FNDC3B: variants seen among roughly 807,000 people sequenced by gnomAD.
The protein encoded by FNDC3B is fibronectin type III domain-containing protein 3B.
FNDC3B carries 12 observed loss-of-function variants against 151.5 expected under a neutral mutation model. The observed-to-expected ratio is 0.08, with a 90% CI of 0.05 to 0.13. The LOEUF (loss-of-function observed/expected upper bound fraction) is 0.13, where lower values mean the gene tolerates loss of function less well. Among genes scored for constraint, FNDC3B ranks in the 10% least tolerant of loss-of-function variants. The pLI is 1.00. For synonymous variants in FNDC3B, 528 were observed against 549.0 expected (o/e 0.96, Z 0.54); for missense variants, 1,214 against 1,505.3 (o/e 0.81, Z 3.20).
chr3:172,399,094 C>T lies in FNDC3B; in HGVS notation c.*1619C>T, dbSNP rs1033455151. The T allele has an allele frequency of 1.3e-5, 2 of 152,614 alleles. No individual in the cohort carries two copies. Among genetic ancestry groups the T allele is most frequent in the African/African-American group, 2.4e-5 (1 of 41,452 alleles). The allele number at this position is 152,614 out of a possible 1,614,324, so 9.5% of individuals were successfully genotyped here. On this transcript the variant is annotated 3_prime_UTR_variant, in exon 26 of 26. Transcript: ENST00000415807. Reference sequence around the variant, plus strand: ...TCTAAGATGCAGTATCCTGTACTAGCTTATAATATTCCCATACCAAAGTCA... The same window carrying T: ...TCTAAGATGCAGTATCCTGTACTAGTTTATAATATTCCCATACCAAAGTCA...
At chr3:172,355,159 G>A (rs1359030667) in intron 22 of FNDC3B, among the ~76,000 whole-genome samples, 1 of 152,058 alleles carries the variant, frequency 6.6e-6, no homozygotes, top group Non-Finnish European at 1.5e-5. Flanking sequence ...TAATTTGAAG[G>A]AAAACAGTAT....
At chr3:172,343,156 A>G (rs1479398714) in intron 18 of FNDC3B, 40 bp downstream of exon 18, 5 of 1,025,260 alleles carry the variant, frequency 4.9e-6, no homozygotes, top group Non-Finnish European at 7.7e-6. Context: ...GACAATTTGG[A>G]CAATTGGAGA....
intron 4 of FNDC3B, among the ~76,000 whole-genome samples, chr3:172,245,949 A>G (rs1472285142): frequency 6.6e-6 from 1 of 152,236 alleles, no homozygotes; most frequent in Admixed American, 6.5e-5. Flanking sequence ...CATAAGGATT[A>G]ATGGCCGTTC....
intron 3 of FNDC3B, among the ~76,000 whole-genome samples, chr3:172,182,755 T>C (rs780010784): frequency 1.3e-5 from 2 of 152,196 alleles, no homozygotes; most frequent in Admixed American, 6.5e-5. Flanking sequence ...ATGAGTAAAT[T>C]TTCAGCTCTC....
intron 2 of FNDC3B, among the ~76,000 whole-genome samples, chr3:172,117,405 T>C (rs774383852): frequency 6.6e-6 from 1 of 152,246 alleles, no homozygotes; most frequent in African/African-American, 2.4e-5. Context: ...GTGTTTGTTA[T>C]GGACTTCTGC....
chr3:172,310,360 G>A (rs1015699140), intron 10 of FNDC3B, among the ~76,000 whole-genome samples: 5 of 152,068 alleles, frequency 3.3e-5, no homozygotes, highest in East Asian at 1.9e-4. Flanking sequence ...CCTTAATGTC[G>A]CTGATGGCTT....
At chr3:172,115,411 C>T (rs1468782565) in intron 2 of FNDC3B, among the ~76,000 whole-genome samples, 6 of 152,128 alleles carry the variant, frequency 3.9e-5, no homozygotes, top group African/African-American at 1.4e-4. Flanking sequence ...AAGACAGGAT[C>T]CCAGAGTGTG....
chr3:172,337,486 G>C (rs1576924575), intron 16 of FNDC3B, 85 bp downstream of exon 16: 3 of 856,712 alleles, frequency 3.5e-6, no homozygotes, highest in Non-Finnish European at 5.9e-6. Context: ...GTAATAGTGA[G>C]TAATCATTAA....
At chr3:172,275,755 G>A (rs1729402981) in intron 6 of FNDC3B, among the ~76,000 whole-genome samples, 1 of 151,994 alleles carries the variant, frequency 6.6e-6, no homozygotes, top group South Asian at 2.1e-4. Flanking sequence ...TCAGTTCAGT[G>A]CATTTAGAAG....
At chr3:172,155,376 C>G (rs935096111) in intron 3 of FNDC3B, among the ~76,000 whole-genome samples, 1 of 152,148 alleles carries the variant, frequency 6.6e-6, no homozygotes, top group Non-Finnish European at 1.5e-5. Context: ...CCCTTAGTTC[C>G]TGGTGTGTCA....
chr3:172,360,179 C>T (rs1049039261), intron 22 of FNDC3B, among the ~76,000 whole-genome samples: 1 of 152,074 alleles, frequency 6.6e-6, no homozygotes, highest in African/African-American at 2.4e-5. Context: ...TATTACATTG[C>T]GAATTTAGTT....
At chr3:172,140,921 G>A (rs1721595099) in intron 3 of FNDC3B, among the ~76,000 whole-genome samples, 2 of 152,134 alleles carry the variant, frequency 1.3e-5, no homozygotes, top group Admixed American at 6.5e-5. Context: ...CCAATGTTGT[G>A]TCATCAGACT....
chr3:172,132,171 T>C (rs1404817432), intron 2 of FNDC3B, among the ~76,000 whole-genome samples: 1 of 151,874 alleles, frequency 6.6e-6, no homozygotes, highest in African/African-American at 2.4e-5. Context: ...TGAATAGACG[T>C]TGGTTGAGGA....
chr3:172,211,993 C>T (rs189481989), intron 3 of FNDC3B, among the ~76,000 whole-genome samples: 279 of 152,260 alleles, frequency 1.8e-3, no homozygotes, highest in Non-Finnish European at 3.3e-3. Context: ...TCATATTAAA[C>T]GATCACCAGG....
intron 1 of FNDC3B, chr3:172,046,930 T>A (rs1379571344): frequency 6.6e-6 from 1 of 152,180 alleles, no homozygotes; most frequent in African/African-American, 2.4e-5. Context: ...ACCACCAAAC[T>A]CCTAAGGCTG....
chr3:172,308,823 A>T (rs1172662308), intron 10 of FNDC3B, among the ~76,000 whole-genome samples: 1 of 152,220 alleles, frequency 6.6e-6, no homozygotes, highest in Non-Finnish European at 1.5e-5. Context: ...ATACACATCC[A>T]TTTAAAAAAT....
chr3:172,166,263 C>T (rs1722997075), intron 3 of FNDC3B, among the ~76,000 whole-genome samples: 1 of 152,196 alleles, frequency 6.6e-6, no homozygotes, highest in Non-Finnish European at 1.5e-5. Context: ...ATTTTGATCA[C>T]TGCTATATGC....
chr3:172,262,673 C>G (rs574827006), intron 6 of FNDC3B, among the ~76,000 whole-genome samples: 17 of 150,880 alleles, frequency 1.1e-4, no homozygotes, highest in African/African-American at 4.1e-4. Context: ...GAGGCCAAGG[C>G]GAGAGGATTG....
intron 3 of FNDC3B, among the ~76,000 whole-genome samples, chr3:172,153,569 G>A (rs1442515625): frequency 3.3e-5 from 5 of 152,234 alleles, no homozygotes; most frequent in Middle Eastern, 3.2e-3. Context: ...AGCGGGATAC[G>A]GAACAAATTC....
Sources: gnomAD v4.1 joint callset for allele counts (sites outside exome capture counted in the v4.1 genomes callset) on GRCh38, gnomAD v4.1.1 for gene constraint, MANE v1.5 for transcripts, NCBI Gene and HGNC (gene_info 2026-07-23, HGNC 2026-07-21) for gene names.